Variants in RASSF3 observed in about 807,000 individuals in gnomAD.
The protein encoded by RASSF3 is ras association domain-containing protein 3.
RASSF3 carries 19 observed loss-of-function variants against 19.9 expected under a neutral mutation model. The ratio of observed to expected loss-of-function variants is 0.96; its 90% CI spans 0.67 to 1.40. The LOEUF is 1.40. Ranked by LOEUF, RASSF3 falls within the 40% of genes most tolerant of loss-of-function variation. The pLI is 0.00. For synonymous variants in RASSF3, 110 were observed against 104.2 expected (o/e 1.06, Z -0.34); for missense variants, 306 against 289.8 (o/e 1.06, Z -0.41).
At chr12:64,610,191 C>A (rs866615669), upstream of RASSF3, among the ~76,000 whole-genome samples, 2 of 152,094 alleles carry the variant, frequency 1.3e-5, no homozygotes, top group East Asian at 3.9e-4. Context: ...GCGGACGGCT[C>A]GCAGAGGAAT....
At chr12:64,684,735 C>A in intron 1 of RASSF3, 52 bp from the exon 2 acceptor site, 1 of 1,294,912 alleles carries the variant, frequency 7.7e-7, no homozygotes, top group Non-Finnish European at 1.1e-6. Context: ...CCGGCCTATC[C>A]GCACTTTTTT....
chr12:64,635,161 C>T (rs749396763), intron 1 of RASSF3, among the ~76,000 whole-genome samples: 2 of 151,888 alleles, frequency 1.3e-5, no homozygotes, highest in African/African-American at 2.4e-5. Flanking sequence ...GACATGTTTC[C>T]AAGGCTGGTC....
chr12:64,606,576 T>G (rs548831315), upstream of RASSF3, among the ~76,000 whole-genome samples: 77 of 152,246 alleles, frequency 5.1e-4, no homozygotes, highest in Admixed American at 4.8e-3. Context: ...GAGTCAGTGA[T>G]AGCCAAGGCA....
intron 1 of RASSF3, among the ~76,000 whole-genome samples, chr12:64,634,205 A>G (rs1304873163): frequency 6.6e-6 from 1 of 152,002 alleles, no homozygotes; most frequent in African/African-American, 2.4e-5. Flanking sequence ...TCTGCTGTTA[A>G]TCATTAGTTC....
At chr12:64,686,565 C>T (rs1394685865) in intron 2 of RASSF3, among the ~76,000 whole-genome samples, 2 of 151,986 alleles carry the variant, frequency 1.3e-5, no homozygotes, top group Non-Finnish European at 2.9e-5. Flanking sequence ...GAGGCAAGAT[C>T]GTGCCACTGC....
intron 2 of RASSF3, among the ~76,000 whole-genome samples, chr12:64,572,320 C>T (rs1273669313): frequency 1.3e-5 from 2 of 152,096 alleles, no homozygotes; most frequent in African/African-American, 4.8e-5. Flanking sequence ...AGATGAGACA[C>T]CAGAGAGCTT....
At chr12:64,587,592 G>A (rs1869834757) in intron 2 of RASSF3, among the ~76,000 whole-genome samples, 1 of 152,286 alleles carries the variant, frequency 6.6e-6, no homozygotes, top group South Asian at 2.1e-4. Flanking sequence ...CAGGATTAAT[G>A]AGTCTGAAGC....
chr12:64,687,906 A>G (rs1383028921), intron 2 of RASSF3, among the ~76,000 whole-genome samples: 1 of 152,170 alleles, frequency 6.6e-6, no homozygotes, highest in East Asian at 1.9e-4. Flanking sequence ...GTAACCTCGC[A>G]AATGGACCCT....
intron 1 of RASSF3, among the ~76,000 whole-genome samples, chr12:64,618,474 A>G (rs1334399055): frequency 6.6e-6 from 1 of 151,996 alleles, no homozygotes; most frequent in Non-Finnish European, 1.5e-5. Flanking sequence ...TTACAGGGGC[A>G]TGCCACCATC....
intron 2 of RASSF3, among the ~76,000 whole-genome samples, chr12:64,586,070 A>G (rs1024471081): frequency 6.6e-6 from 1 of 152,104 alleles, no homozygotes; most frequent in African/African-American, 2.4e-5. Flanking sequence ...CACGCCTGTA[A>G]TCCCAGCACT....
intron 2 of RASSF3, among the ~76,000 whole-genome samples, chr12:64,565,103 C>A (rs538395115): frequency 4.7e-5 from 7 of 149,676 alleles, no homozygotes; most frequent in African/African-American, 1.5e-4. Flanking sequence ...ATATTTTTAA[C>A]AACCTCAAAC....
At chr12:64,617,219 T>C (rs1037265444) in intron 1 of RASSF3, among the ~76,000 whole-genome samples, 3 of 152,228 alleles carry the variant, frequency 2.0e-5, no homozygotes. Flanking sequence ...TGGGATGATA[T>C]TGGTAATATC....
At chr12:64,572,783 A>T (rs1460047217) in intron 2 of RASSF3, among the ~76,000 whole-genome samples, 1 of 152,208 alleles carries the variant, frequency 6.6e-6, no homozygotes, top group Non-Finnish European at 1.5e-5. Context: ...AAGTCTATGA[A>T]GCTTGTTTTT....
At position 64,688,300 on chromosome 12, in the gene RASSF3, C is replaced by G. The variant is rs1460753981; in HGVS notation, c.304C>G (p.Leu102Val). The G allele has an allele frequency of 6.2e-7, 1 of 1,614,020 alleles. No homozygotes were observed. The highest frequency in any genetic ancestry group is 2.2e-5 in the East Asian group (1 of 44,900). The part of the protein sequence containing the change: ...PPQTSPNSGK[L>V]SPSSNGCMNT... ...ACAGACTTCTCCAAATTCTGGAAAA[C>G]TCTCTCCCAGTAGCAATGGCTGTAT... The change falls in exon 3 of 5, where the codon CTC becomes GTC. Residue 102 changes from leucine to valine, a missense_variant. By Grantham distance (32) the Leu-to-Val change is conservative. Coordinates refer to ENST00000542104, the MANE Select transcript of RASSF3 (RefSeq NM_178169.4).
chr12:64,591,199 G>A (rs952469096), intron 2 of RASSF3, among the ~76,000 whole-genome samples: 12 of 152,064 alleles, frequency 7.9e-5, no homozygotes, highest in African/African-American at 2.9e-4. Flanking sequence ...CAACCTGGCC[G>A]GGCGCAGTGG....
At position 64,562,343 on chromosome 12, in the gene RASSF3, C is replaced by T. The variant is rs541451141; in HGVS notation, c.294+20638C>T. Reference sequence around the variant, plus strand: ...GGTGTGAGGCACTGCACCTGAGTACCCACCGCATTTATCTTGCATATATAA... The same window carrying T: ...GGTGTGAGGCACTGCACCTGAGTACTCACCGCATTTATCTTGCATATATAA... On this transcript the variant is annotated intron_variant, in intron 2 of 5. Transcript: ENST00000637125. Among the ~76,000 whole-genome samples, 11 of 152,112 alleles carry T rather than the reference C, an allele frequency of 7.2e-5. No homozygotes were observed. In the South Asian group the frequency reaches 2.1e-3, roughly 29 times the overall value.
chr12:64,641,400 G>GCACACACACACACACACACACACA (rs530475322), intron 1 of RASSF3, among the ~76,000 whole-genome samples: 2,510 of 106,826 alleles, frequency 0.023, 44 homozygotes, highest in Middle Eastern at 0.062. Flanking sequence ...TGTCTCACAG[G>GCACACACACACACACACACACACA]CGCACACACA....
intron 1 of RASSF3, among the ~76,000 whole-genome samples, chr12:64,641,214 G>A (rs1296924367): frequency 1.3e-5 from 2 of 151,708 alleles, no homozygotes; most frequent in Admixed American, 6.6e-5. Context: ...TGGGCAACAT[G>A]ATGAAACCCT....
At chr12:64,671,721 T>G (rs563388548) in intron 1 of RASSF3, among the ~76,000 whole-genome samples, 53 of 152,374 alleles carry the variant, frequency 3.5e-4, no homozygotes, top group Non-Finnish European at 6.6e-4. Flanking sequence ...AGGAAATTGC[T>G]GCTCAGGTAG....
Sources: allele counts gnomAD v4.1 joint callset (sites outside exome capture counted in the v4.1 genomes callset), GRCh38; gene constraint gnomAD v4.1.1; transcripts MANE v1.5; gene names NCBI Gene and HGNC (gene_info 2026-07-23, HGNC 2026-07-21).